SLC2A7: variants seen among roughly 807,000 people sequenced by gnomAD.
SLC2A7 encodes solute carrier family 2 member 7, also known as solute carrier family 2, facilitated glucose transporter member 7.
SLC2A7 carries 50 observed loss-of-function variants against 50.5 expected under a neutral mutation model. That is an observed-to-expected ratio of 0.99 (90% CI 0.79 to 1.25). The LOEUF is 1.25. SLC2A7 is among the 50% of genes most tolerant of loss of function. The pLI is 0.00. For synonymous variants in SLC2A7, 308 were observed against 300.4 expected, an observed-to-expected ratio of 1.03 and a Z score of -0.26; for missense variants, 683 against 679.1, an observed-to-expected ratio of 1.01 and a Z score of -0.06.
chr1:9,005,818 G>A (rs1013213603), intron 10 of SLC2A7, among the ~76,000 whole-genome samples: 1 of 150,770 alleles, frequency 6.6e-6, no homozygotes, highest in Admixed American at 6.6e-5. Flanking sequence ...AAAAAGAAAA[G>A]GACCGATCTC....
chr1:9,005,039 C>T (rs779603065), intron 10 of SLC2A7, among the ~76,000 whole-genome samples, 160 bp from the exon 11 acceptor site: 4 of 152,262 alleles, frequency 2.6e-5, no homozygotes, highest in South Asian at 2.1e-4. Context: ...AAAACCAGGG[C>T]GTGATCAGAG....
Position 9,003,351 on chromosome 1 carries a change from G to A in SLC2A7, c.1488C>T (p.Thr496=). ...AGGCTGTGGGAGGCCCAGCATCAAT[G>A]GTTTCTTCTTTCTCCTCTGGAAGCT... ...RVKLPEEKEE[T]IDAGPPTASP... Residue 496 remains threonine (T), a synonymous_variant, in exon 12 of 12, where the codon ACC becomes ACT. Transcript: ENST00000400906. 11 of 1,614,164 alleles carry A rather than the reference G, an allele frequency of 6.8e-6. No individual in the cohort carries two copies. The highest frequency in any genetic ancestry group is 9.3e-6 in the Non-Finnish European group (11 of 1,180,034).
chr1:9,015,043 C>G, intron 6 of SLC2A7, 74 bp downstream of exon 6: 1 of 1,590,478 alleles, frequency 6.3e-7, no homozygotes, highest in Non-Finnish European at 8.5e-7. Flanking sequence ...GCGACCCTGA[C>G]TGTGGCCCTG....
chr1:8,999,382 T>C (rs1044848584), downstream of SLC2A7, among the ~76,000 whole-genome samples: 1 of 152,218 alleles, frequency 6.6e-6, no homozygotes, highest in Non-Finnish European at 1.5e-5. Context: ...GTCATATTTA[T>C]TGGCATTCCA....
chr1:9,010,633 C>CAG (rs1640734575), intron 8 of SLC2A7, among the ~76,000 whole-genome samples: 1 of 152,116 alleles, frequency 6.6e-6, no homozygotes, highest in Admixed American at 6.5e-5. Context: ...GCTGGGATTA[C>CAG]AGGCGTGAGC....
chr1:8,995,406 C>T, the SLC2A7 span, among the ~76,000 whole-genome samples: 628 of 151,012 alleles, frequency 4.2e-3, 5 homozygotes, highest in African/African-American at 0.015. Flanking sequence ...TGAGATCGCG[C>T]CACTGCACTC....
the SLC2A7 span, among the ~76,000 whole-genome samples, chr1:8,997,509 TC>T: frequency 4.4e-4 from 67 of 152,260 alleles, no homozygotes; most frequent in African/African-American, 1.6e-3. Flanking sequence ...CAAGCGATTC[TC>T]CTACCTCAGC....
chr1:9,014,604 G>A, intron 7 of SLC2A7, 77 bp downstream of exon 7: 1 of 1,519,498 alleles, frequency 6.6e-7, no homozygotes. Context: ...GGCCTCTGTG[G>A]GTGGAACTGT....
chr1:9,007,687 C>G (rs1443162084), intron 9 of SLC2A7, among the ~76,000 whole-genome samples: 1 of 152,096 alleles, frequency 6.6e-6, no homozygotes, highest in East Asian at 1.9e-4. Flanking sequence ...CAAATATTAA[C>G]TCATCTGATC....
chr1:9,015,800 T>A (rs1366511141), intron 5 of SLC2A7, among the ~76,000 whole-genome samples: 1 of 150,842 alleles, frequency 6.6e-6, no homozygotes, highest in Non-Finnish European at 1.5e-5. Context: ...CATAGCCCAC[T>A]GCAACCTCAA....
chr1:9,012,717 T>C (rs987111233), intron 8 of SLC2A7, among the ~76,000 whole-genome samples: 1 of 152,196 alleles, frequency 6.6e-6, no homozygotes, highest in Non-Finnish European at 1.5e-5. Flanking sequence ...ATCTGACCCT[T>C]TTTCATGCAA....
intron 10 of SLC2A7, among the ~76,000 whole-genome samples, chr1:9,006,367 C>G (rs941905895): frequency 2.6e-5 from 4 of 152,190 alleles, no homozygotes; most frequent in African/African-American, 7.2e-5. Context: ...CCTGCCTCAG[C>G]CTCCCGAGTA....
intron 3 of SLC2A7, 118 bp from the exon 4 acceptor site, chr1:9,019,451 G>C: frequency 1.4e-6 from 2 of 1,423,592 alleles, no homozygotes; most frequent in Non-Finnish European, 1.9e-6. Context: ...GCCCGAGAAA[G>C]AGCTGAAGCA....
At chr1:9,010,747 C>T (rs954761422) in intron 8 of SLC2A7, among the ~76,000 whole-genome samples, 4 of 152,208 alleles carry the variant, frequency 2.6e-5, no homozygotes, top group Non-Finnish European at 5.9e-5. Flanking sequence ...CTCTTCACCA[C>T]CACCCTTCCT....
rs889081538 is a variant in SLC2A7, at chr1:9,008,401, C to T, written c.1117-1016G>A. Among the ~76,000 whole-genome samples the T allele has an allele frequency of 6.6e-6, 1 of 152,150 alleles. No homozygotes were observed. The highest frequency in any genetic ancestry group is 1.5e-5 in the Non-Finnish European group (1 of 68,036). On this transcript the variant is annotated intron_variant, in intron 9 of 11. Coordinates refer to ENST00000400906, the MANE Select transcript of SLC2A7 (RefSeq NM_207420.3). This position sits in a 1 kb window ranked among gnomAD's most constrained non-coding sequence, Gnocchi z 5.9. ...AGGCTGGCTGGGTTGGTGGGGCCGC[C>T]CTGGACCCGGTGTGAAGCGAGCAGC...
At position 9,004,881 on chromosome 1, in the gene SLC2A7, TGGAGGGCAGAGCA is replaced by T; in HGVS notation, c.1193-15_1193-3del. 6.2e-7 allele frequency: 1 copy of T among 1,613,216 alleles called. No individual in the cohort carries two copies. The highest frequency in any genetic ancestry group is 8.5e-7 in the Non-Finnish European group (1 of 1,179,540). The stretch of plus-strand genomic sequence containing the variant: ...TCCTCACCACCGAGGGGACAGGACC[TGGAGGGCAGAGCA>T]GGATGGGTGGGGCGGAGAAGGACCC... On this transcript the variant is annotated splice_region_variant and splice_polypyrimidine_tract_variant and intron_variant, in intron 10 of 11. Transcript: ENST00000400906.
In SLC2A7 at chr1:9,025,083, G is replaced by C. The variant is rs1024197281; in HGVS notation, c.52-9C>G. 3.3e-5 allele frequency: 53 copies of C among 1,613,398 alleles called. No individual in the cohort carries two copies. The highest frequency in any genetic ancestry group is 4.2e-5 in the Non-Finnish European group (50 of 1,179,902). On this transcript the variant is annotated splice_polypyrimidine_tract_variant and intron_variant, in intron 1 of 11. Coordinates refer to ENST00000400906, the MANE Select transcript of SLC2A7 (RefSeq NM_207420.3). The stretch of plus-strand genomic sequence containing the variant: ...AGCGTCGGCTGGAGCCGCTGTAGGA[G>C]ACAAGTCCAAGGTCGGGACGCTGTG...
rs1557649914 is a variant in SLC2A7 at position 9,014,626 on chromosome 1, C to T, written c.903+55G>A. On this transcript the variant is annotated intron_variant, in intron 7 of 11. Transcript: ENST00000400906. ...GTGGGTGGAACTGTGTGTTGCTATC[C>T]ATGAAGCCTGGGTCTGCTTCATCTG... 21 of 1,539,654 alleles carry T rather than the reference C, an allele frequency of 1.4e-5. No homozygotes were observed. In the East Asian group the frequency reaches 5.1e-4, roughly 38 times the overall value.
At position 9,008,243 on chromosome 1, in the gene SLC2A7, A is replaced by G. The variant is rs1424794188; in HGVS notation, c.1117-858T>C. On this transcript the variant is annotated intron_variant, in intron 9 of 11. Coordinates refer to ENST00000400906, the MANE Select transcript of SLC2A7 (RefSeq NM_207420.3). The surrounding 1 kb of genome is among the most constrained non-coding windows in gnomAD (Gnocchi z 5.9). ...AGACGGCCTCAAGGGACAAGTTGGCAGCAGAGCTGGATGGCGAGGTGGGAG... is the reference window on the plus strand; with the variant it reads ...AGACGGCCTCAAGGGACAAGTTGGCGGCAGAGCTGGATGGCGAGGTGGGAG... Among the ~76,000 whole-genome samples the G allele has an allele frequency of 6.6e-6, 1 of 152,170 alleles. No homozygotes were observed. The highest frequency in any genetic ancestry group is 1.5e-5 in the Non-Finnish European group (1 of 68,022).
Sources: allele counts gnomAD v4.1 joint callset (sites outside exome capture counted in the v4.1 genomes callset), GRCh38; gene constraint gnomAD v4.1.1; non-coding constraint Gnocchi (gnomAD v3.1); transcripts MANE v1.5; gene names NCBI Gene and HGNC (gene_info 2026-07-23, HGNC 2026-07-21).